Variants in ALG9 observed in about 807,000 individuals in gnomAD.
ALG9 encodes the protein alpha-1,2-mannosyltransferase ALG9.
Under a neutral mutation model 81.8 loss-of-function variants are expected in ALG9, and 55 were observed. The ratio of observed to expected loss-of-function variants is 0.67; its 90% CI spans 0.54 to 0.84. The LOEUF (loss-of-function observed/expected upper bound fraction) is 0.84, where lower values mean the gene tolerates loss of function less well. Among genes scored for constraint, ALG9 ranks in the 40% least tolerant of loss-of-function variants. ALG9 has a pLI of 0.00. For missense variants in ALG9, 629 were observed against 745.0 expected (o/e 0.84, Z 1.81); for synonymous variants, 278 against 274.3 (o/e 1.01, Z -0.13).
At chr11:111,835,712 T>A (rs1248207088) in intron 13 of ALG9, among the ~76,000 whole-genome samples, 1 of 152,236 alleles carries the variant, frequency 6.6e-6, no homozygotes, top group Non-Finnish European at 1.5e-5. Flanking sequence ...TACTGTTTAC[T>A]GTTTTTCAAC....
chr11:111,818,871 A>G lies in ALG9; in HGVS notation c.1603-9098T>C, dbSNP rs143292599. On this transcript the variant is annotated intron_variant, in intron 13 of 14. Coordinates refer to ENST00000616540, the MANE Select transcript of ALG9 (RefSeq NM_024740.2). The stretch of plus-strand genomic sequence containing the variant: ...GGAAGTGAAGGAGGGAAGAAAAGGT[A>G]AAAGAGCAGAAGAGAGACAAAAAAC... 8.2e-3 allele frequency among the ~76,000 whole-genome samples: 1,248 copies of G among 152,336 alleles called. 6 individuals are homozygous for G. The highest frequency in any genetic ancestry group is 0.051 in the Middle Eastern group (15 of 294).
At chr11:111,768,052 T>C in the ALG9 span, among the ~76,000 whole-genome samples, 4 of 152,226 alleles carry the variant, frequency 2.6e-5, no homozygotes, top group African/African-American at 9.6e-5. Flanking sequence ...TTTATTGTTC[T>C]GGGATAATGA....
chr11:111,862,120 GAAA>G (rs1482586455), intron 4 of ALG9, among the ~76,000 whole-genome samples: 2 of 151,782 alleles, frequency 1.3e-5, no homozygotes, highest in Non-Finnish European at 2.9e-5. Context: ...ATCATTTCTA[GAAA>G]ATTCTCAGCT....
chr11:111,831,129 C>T (rs935909219), intron 13 of ALG9, among the ~76,000 whole-genome samples: 1 of 152,174 alleles, frequency 6.6e-6, no homozygotes, highest in Non-Finnish European at 1.5e-5. Context: ...CAACCTCCGC[C>T]TCCTGGGTTC....
At chr11:111,814,531 T>C (rs1281212705) in intron 13 of ALG9, 1 of 152,188 alleles carries the variant, frequency 6.6e-6, no homozygotes, top group Admixed American at 6.5e-5. Context: ...CATTTAGGCT[T>C]ATAGATTATA....
downstream of ALG9, among the ~76,000 whole-genome samples, chr11:111,777,941 G>A (rs1021791215): frequency 5.3e-5 from 8 of 152,156 alleles, no homozygotes; most frequent in East Asian, 1.9e-4. Flanking sequence ...CTTTGCTCTC[G>A]TGTCTGAGGG....
intron 14 of ALG9, 151 bp downstream of exon 14, chr11:111,809,492 C>T: frequency 1.1e-6 from 1 of 891,142 alleles, no homozygotes; most frequent in East Asian, 2.7e-5. Context: ...ATCACACCAG[C>T]CTGGGCAACA....
At chr11:111,857,565 C>T in intron 6 of ALG9, 37 bp downstream of exon 6, 3 of 1,613,698 alleles carry the variant, frequency 1.9e-6, no homozygotes, top group Non-Finnish European at 8.5e-7. Context: ...TACTATATGC[C>T]CAGCGATATA....
the ALG9 span, among the ~76,000 whole-genome samples, chr11:111,773,818 G>T: frequency 1.4e-5 from 2 of 146,316 alleles, no homozygotes; most frequent in African/African-American, 2.5e-5. Context: ...GCAGTAGCAT[G>T]ATCACGGCTC....
chr11:111,816,746 G>C (rs1951542583), intron 13 of ALG9, among the ~76,000 whole-genome samples: 1 of 152,144 alleles, frequency 6.6e-6, no homozygotes, highest in Non-Finnish European at 1.5e-5. Context: ...TTAAAATAGA[G>C]ACAAGGTTTC....
intron 10 of ALG9, among the ~76,000 whole-genome samples, chr11:111,839,208 A>G (rs1955814927): frequency 6.6e-6 from 1 of 152,206 alleles, no homozygotes; most frequent in Admixed American, 6.5e-5. Flanking sequence ...ATTACATAAT[A>G]ATGCTATATA....
intron 9 of ALG9, among the ~76,000 whole-genome samples, chr11:111,843,035 G>A (rs1049544886): frequency 3.9e-5 from 6 of 152,140 alleles, no homozygotes; most frequent in South Asian, 4.1e-4. Context: ...TCCTCCCACC[G>A]TAGCCTCCCG....
intron 5 of ALG9, among the ~76,000 whole-genome samples, chr11:111,858,428 C>T (rs1374610304): frequency 6.6e-6 from 1 of 152,188 alleles, no homozygotes; most frequent in Non-Finnish European, 1.5e-5. Flanking sequence ...TCTGAAGAAG[C>T]TTATCTTCCA....
chr11:111,853,977 G>T (rs1555141385), intron 6 of ALG9, among the ~76,000 whole-genome samples: 1 of 152,022 alleles, frequency 6.6e-6, no homozygotes, highest in East Asian at 1.9e-4. Context: ...ACATTTATGG[G>T]TAACAGAAAT....
At chr11:111,790,935 T>C (rs1461138772) in intron 14 of ALG9, among the ~76,000 whole-genome samples, 6 of 152,222 alleles carry the variant, frequency 3.9e-5, no homozygotes, top group Non-Finnish European at 7.3e-5. Context: ...GTCTCTATGA[T>C]AGAGCAGAGG....
chr11:111,772,005 G>C, the ALG9 span, among the ~76,000 whole-genome samples: 4 of 152,062 alleles, frequency 2.6e-5, no homozygotes, highest in African/African-American at 9.7e-5. Context: ...TCATAATCAG[G>C]GATTATTGCT....
At chr11:111,831,020 A>T (rs1954266082) in intron 13 of ALG9, among the ~76,000 whole-genome samples, 1 of 152,070 alleles carries the variant, frequency 6.6e-6, no homozygotes, top group African/African-American at 2.4e-5. Flanking sequence ...AAAATTTAAA[A>T]ATTAGCTAGG....
Position 111,799,590 on chromosome 11 carries a change from C to T in ALG9, c.1733+10053G>A, listed in dbSNP as rs117945713. On this transcript the variant is annotated intron_variant, in intron 14 of 14. Transcript: ENST00000616540. ...AGCAAGTTAAATCAAATAAGTAAAC[C>T]ATGGGCAAATCCACATAGTAAATGG... Among the ~76,000 whole-genome samples, 1,248 of 152,078 alleles carry T rather than the reference C, an allele frequency of 8.2e-3. 6 individuals are homozygous for T. Among genetic ancestry groups the T allele is most frequent in the Middle Eastern group, 0.051 (15 of 294 alleles).
intron 14 of ALG9, among the ~76,000 whole-genome samples, chr11:111,809,366 C>T (rs1224535877): frequency 6.6e-6 from 1 of 151,634 alleles, no homozygotes; most frequent in Non-Finnish European, 1.5e-5. Context: ...CCTGTCTCTA[C>T]CAAAAATACA....
Sources: allele counts gnomAD v4.1 joint callset (sites outside exome capture counted in the v4.1 genomes callset), GRCh38; gene constraint gnomAD v4.1.1; transcripts MANE v1.5; gene names NCBI Gene and HGNC (gene_info 2026-07-23, HGNC 2026-07-21).